The following DMRT1 variants were observed in gnomAD, a reference collection of about 807,000 sequenced individuals.
DMRT1 encodes the protein doublesex- and mab-3-related transcription factor 1.
Under a neutral mutation model 32.3 loss-of-function variants are expected in DMRT1, and 7 were observed. The observed-to-expected ratio is 0.22, with a 90% CI of 0.12 to 0.41. The LOEUF (loss-of-function observed/expected upper bound fraction) is 0.41, where lower values mean the gene tolerates loss of function less well. DMRT1 is among the 10% of genes least tolerant of loss of function. The probability of loss-of-function intolerance (pLI) is 1.00; values close to 1 mark genes in which losing one functional copy is unlikely to be tolerated. For missense variants in DMRT1, 625 were observed against 500.5 expected (o/e 1.25, Z -2.37); for synonymous variants, 278 against 206.1 (o/e 1.35, Z -2.99).
chr9:869,781 C>G (rs1589475659), intron 2 of DMRT1, among the ~76,000 whole-genome samples: 1 of 152,146 alleles, frequency 6.6e-6, no homozygotes, highest in Non-Finnish European at 1.5e-5. Flanking sequence ...GTCGCATTCT[C>G]TGTCGCACAG....
At chr9:875,524 T>C (rs1816459652) in intron 2 of DMRT1, among the ~76,000 whole-genome samples, 1 of 152,218 alleles carries the variant, frequency 6.6e-6, no homozygotes, top group Non-Finnish European at 1.5e-5. Flanking sequence ...ATGTTAGGTT[T>C]CTGGTGATCC....
intron 4 of DMRT1, among the ~76,000 whole-genome samples, chr9:937,264 T>A (rs896139373): frequency 2.6e-5 from 4 of 152,228 alleles, no homozygotes; most frequent in African/African-American, 9.6e-5. Flanking sequence ...GGCACTTGGG[T>A]TTCCACCCTT....
chr9:867,961 A>G (rs753830813), intron 2 of DMRT1, among the ~76,000 whole-genome samples: 23 of 152,148 alleles, frequency 1.5e-4, no homozygotes, highest in Non-Finnish European at 1.9e-4. Flanking sequence ...GATATGTACA[A>G]TCTCACTTAG....
At chr9:911,469 C>G (rs544843938) in intron 3 of DMRT1, among the ~76,000 whole-genome samples, 1 of 69,004 alleles carries the variant, frequency 1.4e-5, no homozygotes, top group East Asian at 4.3e-4. Flanking sequence ...GGGTTAATTG[C>G]ATTTTTTTTT....
At chr9:959,768 T>C (rs1408288198) in intron 4 of DMRT1, among the ~76,000 whole-genome samples, 2 of 152,098 alleles carry the variant, frequency 1.3e-5, no homozygotes, top group African/African-American at 2.4e-5. Flanking sequence ...CCTCTGGTGA[T>C]CCACCTACCT....
intron 3 of DMRT1, among the ~76,000 whole-genome samples, chr9:900,772 A>T (rs1261319783): frequency 6.6e-6 from 1 of 151,660 alleles, no homozygotes; most frequent in East Asian, 1.9e-4. Flanking sequence ...GCAGCCTCCA[A>T]CTCCTGGGTT....
chr9:866,471 GTT>G (rs1564208269), intron 2 of DMRT1, among the ~76,000 whole-genome samples: 105 of 151,956 alleles, frequency 6.9e-4, no homozygotes, highest in Non-Finnish European at 1.2e-3. Context: ...CATTTACCCC[GTT>G]GTGGGGATAG....
In DMRT1 at chr9:854,111, C is replaced by CTT. The variant is rs146472011; in HGVS notation, c.538+6968_538+6969insTT. 4.7e-3 allele frequency among the ~76,000 whole-genome samples: 681 copies of CTT among 144,380 alleles called. 6 individuals are homozygous for CTT. Among genetic ancestry groups the CTT allele is most frequent in the South Asian group, 0.026 (120 of 4,684 alleles). The allele number at this position is 144,380 out of a possible 152,430, so 94.7% of individuals were successfully genotyped here. On this transcript the variant is annotated intron_variant, in intron 2 of 4. Coordinates refer to ENST00000382276, the MANE Select transcript of DMRT1 (RefSeq NM_021951.3). Reference sequence around the variant, plus strand: ...CAGGTGTGAGCCTACACACTAAGCCCATTTTTTTTTTTTAATTTTTCAAGA... The same window carrying CTT: ...CAGGTGTGAGCCTACACACTAAGCCCTTATTTTTTTTTTTTAATTTTTCAAGA...
intron 3 of DMRT1, among the ~76,000 whole-genome samples, chr9:899,433 A>G (rs564606644): frequency 6.6e-6 from 1 of 152,370 alleles, no homozygotes; most frequent in African/African-American, 2.4e-5. Flanking sequence ...CTTAAAAAAT[A>G]GAGCAGTCTC....
intron 2 of DMRT1, among the ~76,000 whole-genome samples, chr9:871,382 G>C (rs955159054): frequency 5.3e-5 from 8 of 150,736 alleles, no homozygotes; most frequent in African/African-American, 2.0e-4. Context: ...ACCCAGGCTG[G>C]AGTGCAGTGG....
intron 4 of DMRT1, among the ~76,000 whole-genome samples, chr9:936,914 T>G (rs891250603): frequency 1.3e-5 from 2 of 152,202 alleles, no homozygotes; most frequent in African/African-American, 2.4e-5. Context: ...TTCACAATCT[T>G]GTATAACCAT....
rs528559161 is a variant in DMRT1, at chr9:856,397, C to G, written c.538+9254C>G. ...GAACATTTCAGTCACTCCCCATGTA[C>G]TCTTCGCTCCAGCCCTAGGCAGACA... is the stretch of plus-strand genomic sequence containing the variant. On this transcript the variant is annotated intron_variant, in intron 2 of 4. Coordinates refer to ENST00000382276, the MANE Select transcript of DMRT1 (RefSeq NM_021951.3). Among the ~76,000 whole-genome samples the G allele has an allele frequency of 5.9e-5, 9 of 152,244 alleles. No individual in the cohort carries two copies. In the East Asian group the frequency reaches 7.7e-4, roughly 13 times the overall value.
At chr9:957,628 G>A (rs1322900834) in intron 4 of DMRT1, among the ~76,000 whole-genome samples, 2 of 152,294 alleles carry the variant, frequency 1.3e-5, no homozygotes, top group Admixed American at 1.3e-4. Flanking sequence ...GTCTGGAAAT[G>A]CCTAAAATGT....
chr9:849,331 T>C (rs1839042192), intron 2 of DMRT1, among the ~76,000 whole-genome samples: 1 of 152,142 alleles, frequency 6.6e-6, no homozygotes, highest in African/African-American at 2.4e-5. Flanking sequence ...TTAGGGCTGA[T>C]GGACAGTTAG....
Position 949,334 on chromosome 9 carries a change from A to C in DMRT1, c.968-18651A>C, listed in dbSNP as rs1003409165. ...AAGCCAACTGTGACAGCCCCATTGC[A>C]CTGAAGCCTGGGAGAGCAAGACCCT... On this transcript the variant is annotated intron_variant, in intron 4 of 4. Transcript: ENST00000382276. Among the ~76,000 whole-genome samples the C allele has an allele frequency of 4.6e-5, 7 of 151,362 alleles. No individual in the cohort carries two copies. In the East Asian group the frequency reaches 1.4e-3, roughly 29 times the overall value.
intron 3 of DMRT1, among the ~76,000 whole-genome samples, chr9:908,982 G>A (rs966846316): frequency 1.3e-5 from 2 of 151,914 alleles, no homozygotes; most frequent in Non-Finnish European, 2.9e-5. Context: ...CCCCACACAC[G>A]TTGAAGGATC....
chr9:880,356 C>G (rs183185965), intron 2 of DMRT1, among the ~76,000 whole-genome samples: 23 of 152,278 alleles, frequency 1.5e-4, no homozygotes, highest in Middle Eastern at 3.4e-3. Flanking sequence ...GTGTCTTTAG[C>G]AAAATCAACA....
chr9:947,265 T>G (rs1225010623), intron 4 of DMRT1, among the ~76,000 whole-genome samples: 2 of 152,196 alleles, frequency 1.3e-5, no homozygotes. Context: ...GTTTTGGGAT[T>G]TTTTTTAAAG....
chr9:868,839 A>C (rs988792623), intron 2 of DMRT1, among the ~76,000 whole-genome samples: 1 of 152,082 alleles, frequency 6.6e-6, no homozygotes, highest in African/African-American at 2.4e-5. Context: ...GTGAAGCCCC[A>C]TTCCTACAAA....
Sources: allele counts gnomAD v4.1 joint callset (sites outside exome capture counted in the v4.1 genomes callset), GRCh38; gene constraint gnomAD v4.1.1; transcripts MANE v1.5; gene names NCBI Gene and HGNC (gene_info 2026-07-23, HGNC 2026-07-21).